The following CCDC88C variants were observed in gnomAD, a reference collection of about 807,000 sequenced individuals.
CCDC88C encodes the protein protein Daple.
A neutral mutation model predicts 198.8 loss-of-function variants in CCDC88C; 131 were observed. The ratio of observed to expected loss-of-function variants is 0.66; its 90% CI spans 0.57 to 0.76. The LOEUF (loss-of-function observed/expected upper bound fraction) is 0.76. Among genes scored for constraint, CCDC88C ranks in the 30% least tolerant of loss-of-function variants. CCDC88C has a pLI of 0.00. For missense variants in CCDC88C, 2,553 were observed against 2,631.6 expected (o/e 0.97, Z 0.65); for synonymous variants, 1,166 against 1,114.7 (o/e 1.05, Z -0.92).
chr14:91,346,484 T>C (rs1446732703), intron 4 of CCDC88C, among the ~76,000 whole-genome samples: 2 of 151,792 alleles, frequency 1.3e-5, no homozygotes, highest in East Asian at 3.9e-4. Flanking sequence ...TCTTAGGATT[T>C]TTTTTTTTTA....
At position 91,338,031 on chromosome 14, in the gene CCDC88C, C is replaced by T. The variant is rs1201659596; in HGVS notation, c.1024G>A (p.Val342Met). ...LTRCKEKLHD[V>M]DFYKARMEEL... ...TCCATGCGGGCCTTGTAGAAGTCCA[C>T]GTCGTGCAGCTTCTCCTTGCAGCGG... Residue 342 changes from valine to methionine, a missense_variant, in exon 10 of 30, where the codon GTG becomes ATG. Val to Met is a conservative substitution (Grantham distance 21). Coordinates refer to ENST00000389857, the MANE Select transcript of CCDC88C (RefSeq NM_001080414.4). This position sits in a 1 kb window ranked among gnomAD's most constrained non-coding sequence, Gnocchi z 4.8. 1.2e-5 allele frequency: 19 copies of T among 1,612,838 alleles called. No homozygotes were observed. Among genetic ancestry groups the T allele is most frequent in the East Asian group, 2.2e-5 (1 of 44,892 alleles).
chr14:91,295,028 A>G (rs10140022), intron 22 of CCDC88C, among the ~76,000 whole-genome samples: 29,995 of 152,126 alleles, frequency 0.2, 4,206 homozygotes, highest in African/African-American at 0.39. Flanking sequence ...TTGGATTCCA[A>G]TACGCGACTA....
chr14:91,308,667 G>A (rs1004092141), intron 16 of CCDC88C, among the ~76,000 whole-genome samples, 175 bp from the exon 17 acceptor site: 2 of 152,168 alleles, frequency 1.3e-5, no homozygotes, highest in African/African-American at 2.4e-5. Context: ...CCTTTGGGGG[G>A]TTCCCTGGGT....
At chr14:91,303,305 C>T (rs17724070) in intron 20 of CCDC88C, among the ~76,000 whole-genome samples, 5,326 of 151,698 alleles carry the variant, frequency 0.035, 100 homozygotes, top group Middle Eastern at 0.062. Context: ...CCTGAGACCC[C>T]ACCTCTGCTC....
chr14:91,272,330 A>T lies in CCDC88C; in HGVS notation c.*295T>A. 1 of 417,526 alleles carries T rather than the reference A, an allele frequency of 2.4e-6. No individual in the cohort carries two copies. The highest frequency in any genetic ancestry group is 4.3e-6 in the Non-Finnish European group (1 of 230,548). The allele number at this position is 417,526 out of a possible 1,614,324, so 25.9% of individuals were successfully genotyped here. A position where few individuals can be genotyped will look rare whatever the true frequency, so the allele number is the denominator to read the frequency against. On this transcript the variant is annotated 3_prime_UTR_variant, in exon 30 of 30. Coordinates refer to ENST00000389857, the MANE Select transcript of CCDC88C (RefSeq NM_001080414.4). The stretch of plus-strand genomic sequence containing the variant: ...ACTGGAGTAGTGTCTGCTTTGGGGG[A>T]AGTCAGTTTGTCATTGCATCCTAAT...
intron 25 of CCDC88C, 101 bp downstream of exon 25, chr14:91,289,004 A>C (rs1596025597): frequency 2.1e-6 from 2 of 931,508 alleles, no homozygotes; most frequent in Non-Finnish European, 3.3e-6. Flanking sequence ...GCAGTCACCC[A>C]CCCCTGGCAC....
chr14:91,380,963 T>C (rs1293998862), intron 3 of CCDC88C, among the ~76,000 whole-genome samples: 1 of 152,200 alleles, frequency 6.6e-6, no homozygotes, highest in East Asian at 1.9e-4. Context: ...AAGGGTGTAA[T>C]AGCATTGCTG....
intron 4 of CCDC88C, among the ~76,000 whole-genome samples, chr14:91,357,914 AAC>A (rs1423981826): frequency 3.3e-5 from 5 of 152,250 alleles, no homozygotes; most frequent in African/African-American, 1.2e-4. Flanking sequence ...CCCTGCTACT[AAC>A]ACGGGAAGTG....
At chr14:91,393,870 C>T (rs571984100) in intron 3 of CCDC88C, among the ~76,000 whole-genome samples, 2 of 152,298 alleles carry the variant, frequency 1.3e-5, no homozygotes, top group South Asian at 4.1e-4. Flanking sequence ...AAGAAATCAA[C>T]TTCATGAGCT....
chr14:91,300,108 G>A (rs768084437), intron 20 of CCDC88C, 38 bp from the exon 21 acceptor site: 2 of 1,593,562 alleles, frequency 1.3e-6, no homozygotes, highest in Non-Finnish European at 1.7e-6. Flanking sequence ...TCTGGCCAGG[G>A]CCTTCTTTTC....
At chr14:91,293,558 G>GCCACGGCCTACCTTCCTGTCCCCTCA (rs1890848997) in intron 23 of CCDC88C, among the ~76,000 whole-genome samples, 1 of 20,070 alleles carries the variant, frequency 5.0e-5, no homozygotes, top group Non-Finnish European at 1.2e-4. Flanking sequence ...CTGTCCCCTC[G>GCCACGGCCTACCTTCCTGTCCCCTCA]CCTGCCACGG....
chr14:91,416,591 C>G, intron 2 of CCDC88C, 147 bp downstream of exon 2: 1 of 685,062 alleles, frequency 1.5e-6, no homozygotes, highest in Non-Finnish European at 2.6e-6. Context: ...CCAACAGGCA[C>G]GTTAATACTG....
intron 6 of CCDC88C, among the ~76,000 whole-genome samples, 162 bp from the exon 7 acceptor site, chr14:91,340,186 T>C (rs1419363559): frequency 1.3e-5 from 2 of 152,198 alleles, no homozygotes; most frequent in African/African-American, 4.8e-5. Flanking sequence ...GGCCAAACCC[T>C]TCAGCAGAGC....
At chr14:91,341,707 C>G (rs1893315927) in intron 6 of CCDC88C, among the ~76,000 whole-genome samples, 1 of 152,232 alleles carries the variant, frequency 6.6e-6, no homozygotes, top group Non-Finnish European at 1.5e-5. Context: ...AAATTTCCAC[C>G]TGGATACCGC....
chr14:91,293,562 G>A (rs1258546190), intron 23 of CCDC88C, among the ~76,000 whole-genome samples: 1 of 76,526 alleles, frequency 1.3e-5, no homozygotes, highest in East Asian at 3.9e-4. Flanking sequence ...CCCCTCGCCT[G>A]CCACGGCCCA....
At chr14:91,298,760 CTTTA>C (rs1242861605) in intron 21 of CCDC88C, among the ~76,000 whole-genome samples, 2 of 152,158 alleles carry the variant, frequency 1.3e-5, no homozygotes, top group Non-Finnish European at 2.9e-5. Flanking sequence ...CACCCATGTG[CTTTA>C]TTTGCCTGGG....
intron 25 of CCDC88C, chr14:91,285,785 T>C (rs1289619921): frequency 7.8e-7 from 1 of 1,289,184 alleles, no homozygotes; most frequent in South Asian, 1.2e-5. Context: ...TGGAGACTTG[T>C]CTTTGTCCTT....
chr14:91,288,401 C>G lies in CCDC88C; in HGVS notation c.4441+704G>C, dbSNP rs1890510848. Among the ~76,000 whole-genome samples, 1 of 152,124 alleles carries G rather than the reference C, an allele frequency of 6.6e-6. No homozygotes were observed. Among genetic ancestry groups the G allele is most frequent in the African/African-American group, 2.4e-5 (1 of 41,424 alleles). On this transcript the variant is annotated intron_variant, in intron 25 of 29. Coordinates refer to ENST00000389857, the MANE Select transcript of CCDC88C (RefSeq NM_001080414.4). The surrounding 1 kb of genome is among the most constrained non-coding windows in gnomAD (Gnocchi z 4.2). ...TTCAAAGTGGTAACAGATAAACCAC[C>G]CAAGGCTTTCGGGAGGTCTTATATA...
At chr14:91,304,666 A>G (rs1237244568) in intron 19 of CCDC88C, among the ~76,000 whole-genome samples, 1 of 152,218 alleles carries the variant, frequency 6.6e-6, no homozygotes, top group Non-Finnish European at 1.5e-5. Context: ...TACCTGAACA[A>G]TACTATCAAC....
Sources: gnomAD v4.1 joint callset for allele counts (sites outside exome capture counted in the v4.1 genomes callset) on GRCh38, gnomAD v4.1.1 for gene constraint, Gnocchi (gnomAD v3.1) non-coding constraint, MANE v1.5 for transcripts, NCBI Gene and HGNC (gene_info 2026-07-23, HGNC 2026-07-21) for gene names.